Variants in CPNE4 observed in about 807,000 individuals in gnomAD.
The protein encoded by CPNE4 is copine 4, also known as copine-4.
A neutral mutation model predicts 67.9 loss-of-function variants in CPNE4; 25 were observed. The ratio of observed to expected loss-of-function variants is 0.37; its 90% CI spans 0.27 to 0.51. The LOEUF is 0.51. CPNE4 is among the 20% of genes least tolerant of loss of function. The probability of loss-of-function intolerance (pLI) is 0.93; values close to 1 mark genes in which losing one functional copy is unlikely to be tolerated. For missense variants in CPNE4, 464 were observed against 690.8 expected (o/e 0.67, Z 3.68); for synonymous variants, 242 against 244.9 (o/e 0.99, Z 0.11).
chr3:131,835,614 C>T, intron 2 of CPNE4, among the ~76,000 whole-genome samples: 1 of 152,102 alleles, frequency 6.6e-6, no homozygotes, highest in Admixed American at 6.5e-5. Flanking sequence ...AGCCTTTTAC[C>T]CTACCTGCCC....
At chr3:131,937,397 G>A (rs2071254523) in intron 1 of CPNE4, among the ~76,000 whole-genome samples, 1 of 152,104 alleles carries the variant, frequency 6.6e-6, no homozygotes, top group South Asian at 2.1e-4. Flanking sequence ...ATGAAATTAA[G>A]AGCTAAAGAT....
At chr3:131,776,873 T>G (rs2083303198) in intron 2 of CPNE4, among the ~76,000 whole-genome samples, 1 of 152,146 alleles carries the variant, frequency 6.6e-6, no homozygotes, top group African/African-American at 2.4e-5. Context: ...TAGGGAGACC[T>G]GGCAAACATT....
At chr3:131,983,315 G>T (rs1265923440) in intron 1 of CPNE4, among the ~76,000 whole-genome samples, 1 of 152,096 alleles carries the variant, frequency 6.6e-6, no homozygotes, top group African/African-American at 2.4e-5. Context: ...ACAGAATCTG[G>T]TAAGACTAAT....
chr3:131,698,233 C>CAAAAAAAA (rs369274504), intron 4 of CPNE4, among the ~76,000 whole-genome samples: 4,467 of 64,262 alleles, frequency 0.07, 491 homozygotes, highest in Non-Finnish European at 0.098. Context: ...GGCTCTGTCT[C>CAAAAAAAA]AAAAAAAAAA....
chr3:131,535,427 T>G, intron 15 of CPNE4, 98 bp from the exon 16 acceptor site: 1 of 1,199,126 alleles, frequency 8.3e-7, no homozygotes, highest in Non-Finnish European at 1.1e-6. Flanking sequence ...CTAAGTTTCA[T>G]TCACTTTCAT....
At chr3:131,699,428 A>G (rs2081240629) in intron 4 of CPNE4, among the ~76,000 whole-genome samples, 2 of 152,318 alleles carry the variant, frequency 1.3e-5, no homozygotes, top group South Asian at 2.1e-4. Context: ...CCAAACTATT[A>G]TATCAAAGAG....
At chr3:131,830,226 G>A (rs1394535493) in intron 2 of CPNE4, among the ~76,000 whole-genome samples, 1 of 152,076 alleles carries the variant, frequency 6.6e-6, no homozygotes, top group Non-Finnish European at 1.5e-5. Context: ...TCCAGAAATT[G>A]TTTATCTATA....
rs185528971 is a variant in CPNE4 at position 132,012,615 on chromosome 3, G to A, written c.-2+21952C>T. Among the ~76,000 whole-genome samples the A allele has an allele frequency of 2.6e-5, 4 of 152,240 alleles. No individual in the cohort carries two copies. In the East Asian group the frequency reaches 7.7e-4, roughly 29 times the overall value. On this transcript the variant is annotated intron_variant, in intron 1 of 15. Transcript: ENST00000429747. Reference sequence around the variant, plus strand: ...GTGAAAGCCACCAAGAGGCTCCTGGGCAAATAGAAATTAGCAGGTAAGATG... The same window carrying A: ...GTGAAAGCCACCAAGAGGCTCCTGGACAAATAGAAATTAGCAGGTAAGATG...
rs7625075 is a variant in CPNE4, at chr3:131,712,367, G to A, written c.360+11079C>T. 4.4e-3 allele frequency among the ~76,000 whole-genome samples: 663 copies of A among 152,306 alleles called. 6 individuals are homozygous for A. The highest frequency in any genetic ancestry group is 0.015 in the African/African-American group (624 of 41,570). ...ATATATCCTCCCAGTCTCTTGGCCT[G>A]TAAAGAAATGGGTACTTTAATAGTT... On this transcript the variant is annotated intron_variant, in intron 3 of 15. Transcript: ENST00000429747.
At chr3:131,980,004 A>C (rs1201582072) in intron 1 of CPNE4, among the ~76,000 whole-genome samples, 1 of 152,120 alleles carries the variant, frequency 6.6e-6, no homozygotes, top group Admixed American at 6.6e-5. Context: ...GTTTTGTTTG[A>C]GGAGGCAGAA....
At chr3:131,777,403 GA>G (rs2083317428) in intron 2 of CPNE4, among the ~76,000 whole-genome samples, 1 of 147,498 alleles carries the variant, frequency 6.8e-6, no homozygotes, top group Non-Finnish European at 1.5e-5. Flanking sequence ...TTAGTTTCAA[GA>G]ATTCAGGAAT....
intron 2 of CPNE4, among the ~76,000 whole-genome samples, chr3:131,788,814 T>C (rs1001788861): frequency 2.4e-4 from 37 of 152,018 alleles, no homozygotes; most frequent in Admixed American, 1.3e-4. Flanking sequence ...AAAAGTCAAA[T>C]ATAAACTGTG....
chr3:131,792,575 G>C (rs2083755378), intron 2 of CPNE4, among the ~76,000 whole-genome samples: 1 of 141,302 alleles, frequency 7.1e-6, no homozygotes, highest in African/African-American at 2.6e-5. Context: ...ACCTACACTG[G>C]AAATCTCATA....
chr3:131,885,381 A>G (rs1476627000), intron 2 of CPNE4, among the ~76,000 whole-genome samples: 1 of 151,420 alleles, frequency 6.6e-6, no homozygotes, highest in Non-Finnish European at 1.5e-5. Flanking sequence ...TTAAGGTTAT[A>G]AAAATTAAGA....
At chr3:131,671,393 T>C (rs991439354) in intron 6 of CPNE4, among the ~76,000 whole-genome samples, 1 of 152,126 alleles carries the variant, frequency 6.6e-6, no homozygotes, top group African/African-American at 2.4e-5. Flanking sequence ...TTTGAAAAAC[T>C]CAATAGCAAC....
intron 2 of CPNE4, among the ~76,000 whole-genome samples, chr3:131,788,655 C>G (rs111956766): frequency 6.0e-4 from 91 of 151,952 alleles, no homozygotes; most frequent in African/African-American, 2.1e-3. Flanking sequence ...AAGAAATTAT[C>G]TAAGATATAA....
chr3:131,642,257 T>C (rs1448091814), intron 7 of CPNE4, among the ~76,000 whole-genome samples: 1 of 151,208 alleles, frequency 6.6e-6, no homozygotes, highest in African/African-American at 2.5e-5. Context: ...AACAGCATGG[T>C]GTAAGACTAT....
intron 2 of CPNE4, among the ~76,000 whole-genome samples, chr3:131,798,348 A>C (rs990465127): frequency 5.9e-5 from 9 of 152,164 alleles, no homozygotes; most frequent in African/African-American, 2.2e-4. Flanking sequence ...GATGCAGGCA[A>C]TGCTCATTCA....
intron 1 of CPNE4, among the ~76,000 whole-genome samples, chr3:132,016,490 A>G (rs1469138545): frequency 6.6e-6 from 1 of 152,178 alleles, no homozygotes; most frequent in African/African-American, 2.4e-5. Flanking sequence ...TCACCAGCTG[A>G]AGAGAAATGG....
Sources: gnomAD v4.1 joint callset for allele counts (sites outside exome capture counted in the v4.1 genomes callset) on GRCh38, gnomAD v4.1.1 for gene constraint, MANE v1.5 for transcripts, NCBI Gene and HGNC (gene_info 2026-07-23, HGNC 2026-07-21) for gene names.